TENM4: variants seen among roughly 807,000 people sequenced by gnomAD.
The protein encoded by TENM4 is teneurin-4.
In TENM4, 82 loss-of-function variants were observed where a neutral mutation model predicts 243.3. That is an observed-to-expected ratio of 0.34 (90% CI 0.28 to 0.40). The LOEUF (loss-of-function observed/expected upper bound fraction) is 0.40, where lower values mean the gene tolerates loss of function less well. TENM4 is among the 10% of genes least tolerant of loss of function. The pLI is 1.00. For synonymous variants in TENM4, 1,412 were observed against 1,456.3 expected (o/e 0.97, Z 0.69); for missense variants, 3,138 against 3,673.3 (o/e 0.85, Z 3.77).
intron 4 of TENM4, among the ~76,000 whole-genome samples, chr11:79,138,035 C>G (rs961040157): frequency 5.9e-5 from 9 of 151,388 alleles, no homozygotes; most frequent in Non-Finnish European, 1.3e-4. Context: ...AGTCAGTGGG[C>G]TGGGAAAAGC....
intron 4 of TENM4, among the ~76,000 whole-genome samples, chr11:79,122,766 C>G (rs1302183581): frequency 2.0e-5 from 3 of 152,202 alleles, no homozygotes; most frequent in African/African-American, 4.8e-5. Flanking sequence ...ATCCTTCCCC[C>G]ACTAAAGGAA....
rs754531954 is a variant in TENM4 at position 78,676,379 on chromosome 11, G to A, written c.5269C>T (p.Arg1757Trp). 2.5e-5 allele frequency: 40 copies of A among 1,594,962 alleles called. No homozygotes were observed. In the South Asian group the frequency reaches 3.8e-4, roughly 15 times the overall value. Residue 1757 changes from arginine to tryptophan, a missense_variant, in exon 30 of 34, where the codon CGG becomes TGG. By Grantham distance (101) the Arg-to-Trp change is moderately radical. Transcript: ENST00000278550. ...TCGGCCCCGATGTAGTAGCTGTTCC[G>A]GACTTGGTCTGCAGGAGAGGACAAG... ...AFYTLLQDQV[R>W]NSYYIGADGS...
intron 13 of TENM4, 140 bp from the exon 14 acceptor site, chr11:78,812,456 G>T: frequency 2.0e-6 from 2 of 991,458 alleles, no homozygotes; most frequent in Non-Finnish European, 3.0e-6. Context: ...GTGCCCATCT[G>T]TCTTCTTCTC....
chr11:79,132,361 A>AAAAAAAAAAAAAAAAAAG (rs1353670850), intron 4 of TENM4, among the ~76,000 whole-genome samples: 3 of 149,990 alleles, frequency 2.0e-5, no homozygotes, highest in Non-Finnish European at 4.5e-5. Context: ...AAAAAAAAAA[A>AAAAAAAAAAAAAAAAAAG]AGAGAAATGA....
intron 2 of TENM4, among the ~76,000 whole-genome samples, chr11:79,219,226 G>A (rs1028460296): frequency 3.9e-5 from 6 of 152,154 alleles, no homozygotes; most frequent in African/African-American, 1.2e-4. Context: ...AGCAAGTGTC[G>A]AGCTCAGCTT....
chr11:78,805,492 A>G lies in TENM4; in HGVS notation c.1979T>C (p.Val660Ala), dbSNP rs1857372096. 7.6e-6 allele frequency: 12 copies of G among 1,573,280 alleles called. No homozygotes were observed. The highest frequency in any genetic ancestry group is 1.0e-5 in the Non-Finnish European group (12 of 1,159,060). The change falls in exon 15 of 34, where the codon GTG becomes GCG. Residue 660 changes from valine to alanine, a missense_variant and splice_region_variant. Transcript: ENST00000278550. ...PGYKGESCEE[V>A]DCMDPTCSGR... ...TGAACATGTGGGGTCCATGCAGTCC[A>G]CTGTGAGATGGAGGAAGGAGAACAT...
intron 32 of TENM4, among the ~76,000 whole-genome samples, chr11:78,664,065 C>T (rs1348026135): frequency 6.6e-6 from 1 of 152,180 alleles, no homozygotes; most frequent in Non-Finnish European, 1.5e-5. Context: ...TGTCCAAATT[C>T]TGGCTCCCCA....
At chr11:79,285,839 GA>G (rs1856240865) in intron 2 of TENM4, among the ~76,000 whole-genome samples, 1 of 152,150 alleles carries the variant, frequency 6.6e-6, no homozygotes. Flanking sequence ...CATAAAGAGG[GA>G]GAAAGTAGAT....
At chr11:78,724,567 T>C (rs536086907) in intron 23 of TENM4, among the ~76,000 whole-genome samples, 3 of 152,368 alleles carry the variant, frequency 2.0e-5, no homozygotes, top group East Asian at 1.9e-4. Flanking sequence ...TCCACTGATA[T>C]ATGATGCTAT....
Position 78,653,350 on chromosome 11 carries a change from CTTTTT to C in TENM4, c.*4703_*4707del, listed in dbSNP as rs143647198. ...GATCACTTCTGGTTTTGTTTTTATG[CTTTTT>C]TTTTTCTAGAAGGTATCTACATCTG... On this transcript the variant is annotated 3_prime_UTR_variant, in exon 34 of 34. Coordinates refer to ENST00000278550, the MANE Select transcript of TENM4 (RefSeq NM_001098816.3). 1 of 149,308 alleles carries C rather than the reference CTTTTT, an allele frequency of 6.7e-6. No homozygotes were observed. The highest frequency in any genetic ancestry group is 6.7e-5 in the Admixed American group (1 of 14,984). 9.2% of individuals were successfully genotyped at this position (149,308 alleles called of 1,614,324 possible).
chr11:79,264,321 T>C (rs1354211256), intron 2 of TENM4, among the ~76,000 whole-genome samples: 1 of 152,192 alleles, frequency 6.6e-6, no homozygotes, highest in East Asian at 1.9e-4. Context: ...ATCAGCCAAA[T>C]AAGGCTCATT....
chr11:79,274,041 T>G (rs934989946), intron 2 of TENM4, among the ~76,000 whole-genome samples: 2 of 152,064 alleles, frequency 1.3e-5, no homozygotes, highest in Non-Finnish European at 2.9e-5. Context: ...CACCCCACTG[T>G]GCGAGGGGGA....
intron 28 of TENM4, among the ~76,000 whole-genome samples, chr11:78,693,414 T>C (rs1406952238): frequency 1.3e-5 from 2 of 152,236 alleles, no homozygotes; most frequent in Non-Finnish European, 2.9e-5. Flanking sequence ...AATAATGTGT[T>C]TTATTCATCA....
chr11:78,763,028 T>C (rs1014896675), intron 18 of TENM4, among the ~76,000 whole-genome samples: 22 of 152,256 alleles, frequency 1.4e-4, no homozygotes, highest in Admixed American at 7.8e-4. Flanking sequence ...CACTTAATTA[T>C]ATATCATACG....
chr11:79,100,694 C>T (rs1249198592), intron 4 of TENM4, among the ~76,000 whole-genome samples: 1 of 152,152 alleles, frequency 6.6e-6, no homozygotes, highest in Non-Finnish European at 1.5e-5. Flanking sequence ...GCCAGTCCCC[C>T]TCCAGTTTAG....
chr11:78,908,886 G>A (rs139994010), intron 6 of TENM4, among the ~76,000 whole-genome samples: 331 of 152,306 alleles, frequency 2.2e-3, no homozygotes, highest in Non-Finnish European at 3.9e-3. Context: ...TGTATGCAGG[G>A]ACTTGATGGA....
chr11:78,738,785 G>A (rs1344365071), intron 19 of TENM4, among the ~76,000 whole-genome samples: 2 of 152,146 alleles, frequency 1.3e-5, no homozygotes, highest in African/African-American at 2.4e-5. Context: ...ATTACTATTG[G>A]CAGGTGATTC....
intron 6 of TENM4, among the ~76,000 whole-genome samples, chr11:78,968,550 G>A (rs959628190): frequency 7.9e-5 from 12 of 152,156 alleles, no homozygotes; most frequent in African/African-American, 2.9e-4. Context: ...TTATAGCAAT[G>A]CAAAATGGGC....
At chr11:79,100,677 A>T (rs1299144419) in intron 4 of TENM4, among the ~76,000 whole-genome samples, 6 of 152,136 alleles carry the variant, frequency 3.9e-5, no homozygotes, top group South Asian at 2.1e-4. Flanking sequence ...AGGAAACCCC[A>T]ATCTGTGCCA....
Sources: gnomAD v4.1 joint callset for allele counts (sites outside exome capture counted in the v4.1 genomes callset) on GRCh38, gnomAD v4.1.1 for gene constraint, MANE v1.5 for transcripts, NCBI Gene and HGNC (gene_info 2026-07-23, HGNC 2026-07-21) for gene names.